SSH2: variants seen among roughly 807,000 people sequenced by gnomAD.
SSH2 encodes the protein protein phosphatase Slingshot homolog 2.
A neutral mutation model predicts 135.2 loss-of-function variants in SSH2; 37 were observed. The ratio of observed to expected loss-of-function variants is 0.27; its 90% CI spans 0.21 to 0.36. SSH2 has a LOEUF of 0.36. Ranked by LOEUF, SSH2 falls within the 10% of genes least tolerant of loss-of-function variation. The pLI, the probability that SSH2 is intolerant of heterozygous loss-of-function variation, is 1.00. For synonymous variants in SSH2, 628 were observed against 646.2 expected, an observed-to-expected ratio of 0.97 and a Z score of 0.43; for missense variants, 1,408 against 1,765.3, an observed-to-expected ratio of 0.80 and a Z score of 3.63.
At chr17:29,693,194 T>G (rs1349604402) in intron 5 of SSH2, among the ~76,000 whole-genome samples, 1 of 151,904 alleles carries the variant, frequency 6.6e-6, no homozygotes, top group Non-Finnish European at 1.5e-5. Flanking sequence ...GCGATCCTCC[T>G]GCCTTGGCCT....
intron 3 of SSH2, among the ~76,000 whole-genome samples, chr17:29,780,053 C>T (rs754083857): frequency 1.7e-4 from 26 of 151,732 alleles, no homozygotes; most frequent in Non-Finnish European, 3.1e-4. Flanking sequence ...CTCATCTCTA[C>T]TAAAAATACA....
At chr17:29,659,007 C>A (rs2036909923) in intron 11 of SSH2, among the ~76,000 whole-genome samples, 2 of 151,442 alleles carry the variant, frequency 1.3e-5, no homozygotes, top group African/African-American at 4.9e-5. Context: ...ATGCTTATTG[C>A]TACTTCTTAC....
intron 1 of SSH2, chr17:29,863,688 C>A (rs1567616821): frequency 1.3e-5 from 2 of 152,156 alleles, no homozygotes; most frequent in Non-Finnish European, 2.9e-5. Flanking sequence ...AATTGCCTTG[C>A]TCCTGGCCTT....
chr17:29,671,814 T>A, intron 9 of SSH2, 121 bp downstream of exon 9: 1 of 823,732 alleles, frequency 1.2e-6, no homozygotes, highest in Admixed American at 2.4e-5. Flanking sequence ...CTATTCACAA[T>A]GACTAATATT....
At chr17:29,685,476 AG>A (rs1156625649) in intron 5 of SSH2, among the ~76,000 whole-genome samples, 1 of 152,102 alleles carries the variant, frequency 6.6e-6, no homozygotes, top group Non-Finnish European at 1.5e-5. Context: ...ATCAGACAAA[AG>A]GTTGATGGTT....
intron 3 of SSH2, among the ~76,000 whole-genome samples, chr17:29,792,473 AAAG>A (rs999276391): frequency 6.6e-6 from 1 of 152,192 alleles, no homozygotes; most frequent in African/African-American, 2.4e-5. Flanking sequence ...GCCCTATGCA[AAAG>A]AAGGACACTT....
At chr17:29,837,524 A>G (rs1422663442) in intron 2 of SSH2, among the ~76,000 whole-genome samples, 3 of 152,140 alleles carry the variant, frequency 2.0e-5, no homozygotes, top group Non-Finnish European at 2.9e-5. Context: ...CTATGGGAGC[A>G]GCAGTGGTGG....
At chr17:29,677,848 C>A (rs2037794332) in intron 6 of SSH2, 107 bp from the exon 7 acceptor site, 4 of 841,776 alleles carry the variant, frequency 4.8e-6, no homozygotes, top group Non-Finnish European at 5.9e-6. Context: ...ATTCTAAATT[C>A]TGGCATAAGT....
intron 1 of SSH2, chr17:29,865,924 A>C (rs1208270912): frequency 2.0e-5 from 3 of 152,150 alleles, no homozygotes; most frequent in African/African-American, 7.2e-5. Context: ...AACATGGTGA[A>C]ACCCTGTCTC....
intron 2 of SSH2, among the ~76,000 whole-genome samples, chr17:29,796,126 T>C (rs1193113488): frequency 6.6e-6 from 1 of 152,246 alleles, no homozygotes; most frequent in African/African-American, 2.4e-5. Flanking sequence ...AATTAATACC[T>C]ATGAACACCA....
intron 2 of SSH2, among the ~76,000 whole-genome samples, chr17:29,811,987 AGAG>A (rs1177408517): frequency 6.6e-6 from 1 of 152,106 alleles, no homozygotes; most frequent in Admixed American, 6.5e-5. Context: ...TTTATATAAA[AGAG>A]GAGATTACAT....
chr17:29,763,516 G>T (rs1410405015), intron 3 of SSH2, among the ~76,000 whole-genome samples: 3 of 151,246 alleles, frequency 2.0e-5, no homozygotes, highest in African/African-American at 7.3e-5. Context: ...AAAAAAGCAG[G>T]CGCGTTAGAA....
chr17:29,637,553 G>A (rs73280622), intron 14 of SSH2, among the ~76,000 whole-genome samples: 2,247 of 152,208 alleles, frequency 0.015, 60 homozygotes, highest in African/African-American at 0.05. Context: ...AGGCCGAGGC[G>A]GGCAGATCGC....
At chr17:29,727,574 G>C (rs1446747009) in intron 3 of SSH2, among the ~76,000 whole-genome samples, 2 of 152,222 alleles carry the variant, frequency 1.3e-5, no homozygotes, top group South Asian at 4.1e-4. Flanking sequence ...GGTGGAGTAA[G>C]TCCAGAGAAT....
chr17:29,715,539 C>A (rs1218180729), intron 3 of SSH2, among the ~76,000 whole-genome samples: 12 of 152,180 alleles, frequency 7.9e-5, no homozygotes, highest in Admixed American at 2.6e-4. Flanking sequence ...GCCACTGCAC[C>A]TAGCCTCCAT....
In SSH2 at chr17:29,817,801, AG is replaced by A. The variant is rs144395663; in HGVS notation, c.145-23865del. ...AGTAGGGGTCTCGTTCTTGTTGACC[AG>A]GCTGGAGTGCAGCAGTGAGATCATG... On this transcript the variant is annotated intron_variant, in intron 2 of 15. Coordinates refer to ENST00000540801, the MANE Select transcript of SSH2 (RefSeq NM_001282129.2). Among the ~76,000 whole-genome samples the A allele has an allele frequency of 4.0e-3, 603 of 152,306 alleles. 1 individual carries two copies. The highest frequency in any genetic ancestry group is 0.017 in the Middle Eastern group (5 of 294).
intron 3 of SSH2, among the ~76,000 whole-genome samples, chr17:29,781,055 C>T (rs1001224166): frequency 6.6e-6 from 1 of 152,100 alleles, no homozygotes; most frequent in Non-Finnish European, 1.5e-5. Flanking sequence ...TGGTGATCCA[C>T]CTGCCTCAGC....
intron 2 of SSH2, among the ~76,000 whole-genome samples, chr17:29,834,029 T>C (rs2042902958): frequency 6.6e-6 from 1 of 151,136 alleles, no homozygotes; most frequent in Non-Finnish European, 1.5e-5. Context: ...TTTTTGTGTA[T>C]CTATTGTAGG....
chr17:29,761,349 G>A lies in SSH2; in HGVS notation c.188+32545C>T, dbSNP rs1011391713. ...CTCCGGCACGAGGCGCAGGCTGCGC[G>A]TGCACCCGGCGGCGGAGGCGGGCCC... On this transcript the variant is annotated intron_variant, in intron 3 of 15. Transcript: ENST00000540801. 15 of 1,079,600 alleles carry A rather than the reference G, an allele frequency of 1.4e-5. No individual in the cohort carries two copies. In the Admixed American group the frequency reaches 6.3e-4, roughly 46 times the overall value. The allele number at this position is 1,079,600 out of a possible 1,614,324, so 66.9% of individuals were successfully genotyped here.
Sources: gnomAD v4.1 joint callset for allele counts (sites outside exome capture counted in the v4.1 genomes callset) on GRCh38, gnomAD v4.1.1 for gene constraint, MANE v1.5 for transcripts, NCBI Gene and HGNC (gene_info 2026-07-23, HGNC 2026-07-21) for gene names.